COL11A1: variants seen among roughly 807,000 people sequenced by gnomAD.
COL11A1 encodes collagen type XI alpha 1 chain.
COL11A1 carries 74 observed loss-of-function variants against 265.2 expected under a neutral mutation model. The observed-to-expected ratio is 0.28, with a 90% CI of 0.23 to 0.34. The LOEUF (loss-of-function observed/expected upper bound fraction) is 0.34. COL11A1 is among the 10% of genes least tolerant of loss of function. The pLI is 1.00. For synonymous variants in COL11A1, 816 were observed against 727.6 expected (o/e 1.12, Z -1.96); for missense variants, 2,165 against 2,263.6 (o/e 0.96, Z 0.88).
chr1:103,033,308 C>T (rs548649972), intron 4 of COL11A1, among the ~76,000 whole-genome samples: 74 of 151,250 alleles, frequency 4.9e-4, no homozygotes, highest in Non-Finnish European at 8.4e-4. Context: ...ATTAATATTA[C>T]GTTATTCTTC....
At chr1:103,070,547 A>T (rs1671503103) in intron 4 of COL11A1, among the ~76,000 whole-genome samples, 1 of 151,866 alleles carries the variant, frequency 6.6e-6, no homozygotes, top group South Asian at 2.1e-4. Flanking sequence ...TGGGGTTAGG[A>T]TGGAAGAAGG....
Position 103,082,906 on chromosome 1 carries a change from G to C in COL11A1, c.173C>G (p.Thr58Arg). Residue 58 changes from threonine (T) to arginine (R), a missense_variant, in exon 2 of 67, where the codon ACG (threonine) becomes AGG (arginine). By Grantham distance (71) the Thr-to-Arg change is moderately conservative. Coordinates refer to ENST00000370096, the MANE Select transcript of COL11A1 (RefSeq NM_001854.4). ...ATTCTTTCTGTTTGTGCAAAATCCCGTTGTTTTTGATATTCCCTCTGGAGA... is the reference window on the plus strand; with the variant it reads ...ATTCTTTCTGTTTGTGCAAAATCCCCTTGTTTTTGATATTCCCTCTGGAGA... ...HNSPEGISKT[T>R]GFCTNRKNSK... 1 of 1,613,388 alleles carries C rather than the reference G, an allele frequency of 6.2e-7. No homozygotes were observed. The highest frequency in any genetic ancestry group is 8.5e-7 in the Non-Finnish European group (1 of 1,179,592).
chr1:103,019,214 C>G (rs1666800845), intron 9 of COL11A1, among the ~76,000 whole-genome samples: 1 of 151,870 alleles, frequency 6.6e-6, no homozygotes, highest in African/African-American at 2.4e-5. Context: ...CAGAATAATA[C>G]CTGGCATAAA....
intron 38 of COL11A1, among the ~76,000 whole-genome samples, chr1:102,965,000 T>A (rs1344441380): frequency 3.3e-5 from 5 of 152,190 alleles, no homozygotes; most frequent in Admixed American, 3.3e-4. Flanking sequence ...TAATTAATAT[T>A]TTATTTCTGA....
chr1:103,002,498 TA>T lies in COL11A1; in HGVS notation c.2044-18del. Reference sequence around the variant, plus strand: ...TTGGGGACCCTGCCAGAGGAAAATATAAAAAGTTTTTAATGGGCTATATTAC... The same window carrying T: ...TTGGGGACCCTGCCAGAGGAAAATATAAAAGTTTTTAATGGGCTATATTAC... On this transcript the variant is annotated intron_variant, in intron 22 of 66. Coordinates refer to ENST00000370096, the MANE Select transcript of COL11A1 (RefSeq NM_001854.4). The T allele has an allele frequency of 6.3e-7, 1 of 1,597,074 alleles. No individual in the cohort carries two copies. The highest frequency in any genetic ancestry group is 1.3e-5 in the African/African-American group (1 of 74,774).
intron 50 of COL11A1, 24 bp from the exon 51 acceptor site, chr1:102,914,835 A>AC: frequency 6.5e-7 from 1 of 1,540,440 alleles, no homozygotes; most frequent in African/African-American, 1.4e-5. Flanking sequence ...AAAAAAAAAA[A>AC]AGAAGAAGAA....
chr1:102,978,769 A>T lies in COL11A1; in HGVS notation c.2710-17T>A. 1.2e-6 allele frequency: 2 copies of T among 1,614,200 alleles called. No homozygotes were observed. The highest frequency in any genetic ancestry group is 1.7e-6 in the Non-Finnish European group (2 of 1,180,024). ...TGAAGTGCCCTGGCACCAAGAAAAG[A>T]AAAGAAAAATCAGTTTGAATTCTTT... On this transcript the variant is annotated splice_polypyrimidine_tract_variant and intron_variant, in intron 34 of 66. Coordinates refer to ENST00000370096, the MANE Select transcript of COL11A1 (RefSeq NM_001854.4).
chr1:102,974,338 A>C (rs1284463646), intron 36 of COL11A1, among the ~76,000 whole-genome samples: 3 of 152,206 alleles, frequency 2.0e-5, no homozygotes, highest in African/African-American at 4.8e-5. Flanking sequence ...AGATTTAATG[A>C]GAATTCTCAT....
At position 102,883,207 on chromosome 1, in the gene COL11A1, A is replaced by AT; in HGVS notation, c.4962dup (p.Ser1655IlefsTer2). 6.2e-7 allele frequency: 1 copy of AT among 1,609,598 alleles called. No homozygotes were observed. The highest frequency in any genetic ancestry group is 8.5e-7 in the Non-Finnish European group (1 of 1,176,076). ...AACAGATTGGTACTTACTCCCTCAG[A>AT]TTTTTTGTCTGGATAAATGCAAGTC... On this transcript the variant is annotated frameshift_variant, in exon 64 of 67. Coordinates refer to ENST00000370096, the MANE Select transcript of COL11A1 (RefSeq NM_001854.4). LOFTEE classifies it high-confidence loss of function.
chr1:102,990,337 T>G (rs960803741), intron 28 of COL11A1, among the ~76,000 whole-genome samples: 62 of 84,076 alleles, frequency 7.4e-4, no homozygotes, highest in Non-Finnish European at 1.8e-3. Context: ...ATATTGTATT[T>G]TTTTTTAAAA....
In COL11A1 at chr1:102,901,297, G is replaced by A. The variant is rs542771575; in HGVS notation, c.4087-2303C>T. On this transcript the variant is annotated intron_variant, in intron 54 of 66. Transcript: ENST00000370096. ...ATTGCACGATTGTGCTCCAGCCTGG[G>A]AAATAAAAGCAAAACTCTGTCTAAA... Among the ~76,000 whole-genome samples, 3 of 145,048 alleles carry A rather than the reference G, an allele frequency of 2.1e-5. No individual in the cohort carries two copies. The Admixed American group carries it at 2.1e-4, about 10-fold the overall frequency.
At chr1:102,990,567 T>C (rs1002554377) in intron 28 of COL11A1, among the ~76,000 whole-genome samples, 2 of 152,188 alleles carry the variant, frequency 1.3e-5, no homozygotes, top group East Asian at 1.9e-4. Flanking sequence ...ATCATTCTTA[T>C]TGAAACCTAG....
At chr1:103,003,337 T>A in intron 20 of COL11A1, 69 bp from the exon 21 acceptor site, 1 of 1,437,280 alleles carries the variant, frequency 7.0e-7, no homozygotes, top group South Asian at 1.2e-5. Flanking sequence ...CCTCTTTCAA[T>A]GAAGAAATCC....
chr1:102,902,851 G>A (rs1653396302), intron 54 of COL11A1, among the ~76,000 whole-genome samples: 1 of 150,122 alleles, frequency 6.7e-6, no homozygotes. Flanking sequence ...CACACACATA[G>A]TACATGCATA....
At chr1:103,012,575 A>T in intron 13 of COL11A1, 106 bp from the exon 14 acceptor site, 1 of 816,654 alleles carries the variant, frequency 1.2e-6, no homozygotes, top group Non-Finnish European at 2.1e-6. Context: ...TGATCAACAC[A>T]GATTTAATAA....
chr1:103,045,341 A>T (rs1669160828), intron 4 of COL11A1, among the ~76,000 whole-genome samples: 1 of 152,110 alleles, frequency 6.6e-6, no homozygotes, highest in African/African-American at 2.4e-5. Context: ...AAAGAAATAG[A>T]CTTGCTTTTC....
chr1:103,031,724 T>G (rs1433844148), intron 4 of COL11A1, among the ~76,000 whole-genome samples: 1 of 151,962 alleles, frequency 6.6e-6, no homozygotes, highest in Non-Finnish European at 1.5e-5. Flanking sequence ...TAGATCCAAC[T>G]ATTATGTTCT....
intron 1 of COL11A1, among the ~76,000 whole-genome samples, chr1:103,099,807 A>G (rs1446460035): frequency 2.0e-5 from 3 of 151,854 alleles, no homozygotes; most frequent in Admixed American, 1.3e-4. Context: ...TGTTTTCCAT[A>G]TGAAAAAGCT....
intron 4 of COL11A1, among the ~76,000 whole-genome samples, chr1:103,056,628 A>G (rs1670270880): frequency 6.6e-6 from 1 of 152,132 alleles, no homozygotes; most frequent in South Asian, 2.1e-4. Context: ...TTCTTCTTAA[A>G]AAAAGCATGC....
Sources: gnomAD v4.1 joint callset for allele counts (sites outside exome capture counted in the v4.1 genomes callset) on GRCh38, gnomAD v4.1.1 for gene constraint, MANE v1.5 for transcripts, NCBI Gene and HGNC (gene_info 2026-07-23, HGNC 2026-07-21) for gene names.